Variants in TMEM132C observed in about 807,000 individuals in gnomAD.
TMEM132C encodes protein phosphatase 1, regulatory subunit 152.
Under a neutral mutation model 61.4 loss-of-function variants are expected in TMEM132C, and 29 were observed. That is an observed-to-expected ratio of 0.47 (90% CI 0.35 to 0.64). TMEM132C has a LOEUF of 0.64. Ranked by LOEUF, TMEM132C falls within the 30% of genes least tolerant of loss-of-function variation. TMEM132C has a pLI of 0.00. For missense variants in TMEM132C, 1,408 were observed against 1,476.9 expected, an observed-to-expected ratio of 0.95 and a Z score of 0.76; for synonymous variants, 656 against 633.1, an observed-to-expected ratio of 1.04 and a Z score of -0.54.
At chr12:128,384,456 C>T (rs1874514582) in intron 1 of TMEM132C, among the ~76,000 whole-genome samples, 1 of 152,110 alleles carries the variant, frequency 6.6e-6, no homozygotes, top group African/African-American at 2.4e-5. Context: ...GTTTTAAGAA[C>T]CCCATTTAGG....
At chr12:128,362,837 T>C (rs1366731214) in intron 1 of TMEM132C, among the ~76,000 whole-genome samples, 1 of 152,208 alleles carries the variant, frequency 6.6e-6, no homozygotes, top group Non-Finnish European at 1.5e-5. Context: ...AGACATAGGA[T>C]TTCCTGAAGT....
At chr12:128,550,996 A>G (rs55766483) in intron 3 of TMEM132C, among the ~76,000 whole-genome samples, 44,481 of 152,094 alleles carry the variant, frequency 0.29, 7,888 homozygotes, top group Non-Finnish European at 0.39. Flanking sequence ...AGCTTCCCAC[A>G]GGGTCAGGCT....
intron 2 of TMEM132C, among the ~76,000 whole-genome samples, chr12:128,419,696 G>C (rs1234109601): frequency 6.6e-6 from 1 of 151,384 alleles, no homozygotes. Context: ...TCTTTTGATA[G>C]CCCAAATACA....
At chr12:128,267,694 C>G (rs1340429961) in intron 1 of TMEM132C, among the ~76,000 whole-genome samples, 1 of 152,140 alleles carries the variant, frequency 6.6e-6, no homozygotes. Flanking sequence ...GCAAGTTAGG[C>G]TGGTCCCGAG....
intron 4 of TMEM132C, among the ~76,000 whole-genome samples, chr12:128,635,328 T>C (rs1438545064): frequency 6.6e-6 from 1 of 152,166 alleles, no homozygotes; most frequent in Non-Finnish European, 1.5e-5. Context: ...TTCTTGAAAG[T>C]AAAAATGAAA....
chr12:128,469,409 G>A lies in TMEM132C; in HGVS notation c.974+53789G>A, dbSNP rs150816297. ...TGGCTCACTGCAGCCTCGACCTCCTGGGTTCAGGTGATCCTCCCACCTCAG... is the reference window on the plus strand; with the variant it reads ...TGGCTCACTGCAGCCTCGACCTCCTAGGTTCAGGTGATCCTCCCACCTCAG... On this transcript the variant is annotated intron_variant, in intron 2 of 8. Coordinates refer to ENST00000435159, the MANE Select transcript of TMEM132C (RefSeq NM_001136103.3). Among the ~76,000 whole-genome samples, 301 of 148,494 alleles carry A rather than the reference G, an allele frequency of 2.0e-3. 3 individuals are homozygous for A. Among genetic ancestry groups the A allele is most frequent in the African/African-American group, 6.9e-3 (277 of 39,930 alleles).
chr12:128,509,021 G>A (rs902591615), intron 2 of TMEM132C, among the ~76,000 whole-genome samples: 4 of 152,194 alleles, frequency 2.6e-5, no homozygotes, highest in African/African-American at 9.6e-5. Context: ...CTGGCCCAGG[G>A]CAGGGCCTCA....
At chr12:128,315,405 G>A (rs2135930151) in intron 1 of TMEM132C, among the ~76,000 whole-genome samples, 1 of 152,224 alleles carries the variant, frequency 6.6e-6, no homozygotes, top group Middle Eastern at 3.4e-3. Flanking sequence ...TAGGGAAAGG[G>A]TAAAATTAGA....
chr12:128,530,568 C>T (rs903770487), intron 2 of TMEM132C, among the ~76,000 whole-genome samples: 9 of 152,094 alleles, frequency 5.9e-5, no homozygotes, highest in Non-Finnish European at 8.8e-5. Flanking sequence ...CTCAGCCTCC[C>T]GAGTAGCTGG....
At chr12:128,464,272 C>A (rs1045870687) in intron 2 of TMEM132C, among the ~76,000 whole-genome samples, 5 of 152,194 alleles carry the variant, frequency 3.3e-5, no homozygotes, top group Non-Finnish European at 7.3e-5. Flanking sequence ...GACTGATACA[C>A]CAGCACGGCA....
intron 2 of TMEM132C, among the ~76,000 whole-genome samples, chr12:128,445,411 C>T (rs566426812): frequency 5.7e-4 from 87 of 152,196 alleles, no homozygotes; most frequent in African/African-American, 1.9e-3. Context: ...TGTCTTTTTG[C>T]GAGGCACTTT....
chr12:128,510,058 C>T (rs1008396414), intron 2 of TMEM132C, among the ~76,000 whole-genome samples: 6 of 152,134 alleles, frequency 3.9e-5, no homozygotes, highest in South Asian at 4.1e-4. Context: ...AGGGTGTTAA[C>T]CAACACTCCT....
rs1023372746 is a variant in TMEM132C, at chr12:128,705,688, G to A, written c.2720G>A (p.Gly907Glu). ...GTGGACCTCCCCAAGGCCGGGAGTG[G>A]GCTGGAGGAAAACGACCTGGTGCAG... ...AHVDLPKAGS[G>E]LEENDLVQTP... Residue 907 changes from glycine to glutamate, a missense_variant, in exon 9 of 9, where the codon GGG becomes GAG. Coordinates refer to ENST00000435159, the MANE Select transcript of TMEM132C (RefSeq NM_001136103.3). The A allele has an allele frequency of 3.2e-6, 5 of 1,551,444 alleles. No homozygotes were observed. The Admixed American group carries it at 7.8e-5, about 24-fold the overall frequency.
chr12:128,405,106 A>G (rs542525300), intron 1 of TMEM132C, among the ~76,000 whole-genome samples: 2 of 152,200 alleles, frequency 1.3e-5, no homozygotes, highest in South Asian at 4.2e-4. Flanking sequence ...AAATGACTCA[A>G]TTATCCTATC....
intron 2 of TMEM132C, among the ~76,000 whole-genome samples, chr12:128,539,681 G>A (rs772775127): frequency 3.3e-5 from 5 of 152,152 alleles, no homozygotes; most frequent in Admixed American, 2.6e-4. Flanking sequence ...AGAATTCTAG[G>A]TTGGAAATAA....
chr12:128,448,373 G>A (rs113117487), intron 2 of TMEM132C, among the ~76,000 whole-genome samples: 15 of 152,216 alleles, frequency 9.9e-5, no homozygotes, highest in Admixed American at 4.6e-4. Context: ...GCTCTTGGCC[G>A]GGCTCACTCA....
At chr12:128,385,559 A>C (rs551289056) in intron 1 of TMEM132C, among the ~76,000 whole-genome samples, 29 of 152,290 alleles carry the variant, frequency 1.9e-4, no homozygotes, top group African/African-American at 7.0e-4. Context: ...GCTATAAGAG[A>C]CCTGAGCCCG....
intron 1 of TMEM132C, chr12:128,288,336 G>A (rs1969254): frequency 0.14 from 20,778 of 152,266 alleles, 1,521 homozygotes; most frequent in East Asian, 0.3. Context: ...AGGATTACAG[G>A]CGTGAGACAC....
chr12:128,395,603 C>T lies in TMEM132C; in HGVS notation c.86-19129C>T, dbSNP rs1713598. Among the ~76,000 whole-genome samples the T allele has an allele frequency of 5.0e-3, 755 of 152,318 alleles. 9 individuals are homozygous for T. The highest frequency in any genetic ancestry group is 0.017 in the African/African-American group (714 of 41,568). ...TTCAGAACACTTACATTAACCTACA[C>T]CTGGGCAAAATCATCGAACACAAAG... On this transcript the variant is annotated intron_variant, in intron 1 of 8. Transcript: ENST00000435159.
Sources: allele counts gnomAD v4.1 joint callset (sites outside exome capture counted in the v4.1 genomes callset), GRCh38; gene constraint gnomAD v4.1.1; transcripts MANE v1.5; gene names NCBI Gene and HGNC (gene_info 2026-07-23, HGNC 2026-07-21).